METTL21C: variants seen among roughly 807,000 people sequenced by gnomAD.
The protein encoded by METTL21C is protein-lysine methyltransferase METTL21C.
In METTL21C, 21 loss-of-function variants were observed where a neutral mutation model predicts 25.9. The ratio of observed to expected loss-of-function variants is 0.81; its 90% CI spans 0.58 to 1.17. The LOEUF (loss-of-function observed/expected upper bound fraction) is 1.17, where lower values mean the gene tolerates loss of function less well. Among genes scored for constraint, METTL21C ranks in the 50% most tolerant of loss-of-function variants. METTL21C has a pLI of 0.00. For synonymous variants in METTL21C, 125 were observed against 124.7 expected, an observed-to-expected ratio of 1.00 and a Z score of -0.01; for missense variants, 312 against 315.1, an observed-to-expected ratio of 0.99 and a Z score of 0.07.
rs1262985773 is a variant in METTL21C, at chr13:102,694,900, T to TCTCTCTCACACACACACA, written c.-403_-402insTGTGTGTGTGTGAGAGAG. On this transcript the variant is annotated 5_prime_UTR_variant, in exon 1 of 4. It removes the in-frame stop codon of an upstream open reading frame in the 5' UTR. Transcript: ENST00000267273. ...CTCTCTCTCTCTCTCTCTCTCTCTC[T>TCTCTCTCACACACACACA]CACACACACACACACACACACACAC... Among the ~76,000 whole-genome samples, 1 of 135,484 alleles carries TCTCTCTCACACACACACA rather than the reference T, an allele frequency of 7.4e-6. No homozygotes were observed. The highest frequency in any genetic ancestry group is 2.9e-5 in the African/African-American group (1 of 34,070). 88.9% of individuals were successfully genotyped at this position (135,484 alleles called of 152,430 possible).
chr13:102,692,116 G>A (rs562770794), intron 1 of METTL21C, among the ~76,000 whole-genome samples: 6 of 152,278 alleles, frequency 3.9e-5, no homozygotes, highest in African/African-American at 1.4e-4. Flanking sequence ...ACTGTAAAAT[G>A]TTTAACCGGG....
chr13:102,699,296 T>C (rs1306491172), upstream of METTL21C, among the ~76,000 whole-genome samples: 1 of 152,206 alleles, frequency 6.6e-6, no homozygotes, highest in Non-Finnish European at 1.5e-5. Flanking sequence ...GCAATGGAGT[T>C]GCACTTCCCA....
At chr13:102,693,865 C>A (rs1885887249) in intron 1 of METTL21C, among the ~76,000 whole-genome samples, 1 of 152,164 alleles carries the variant, frequency 6.6e-6, no homozygotes, top group African/African-American at 2.4e-5. Context: ...TAATTATGAA[C>A]ACTGTAAATG....
chr13:102,685,803 T>C lies in METTL21C; in HGVS notation c.*228A>G. ...GTAACTTCGTTGGAACCAACAAAGC[T>C]ACTTTCATGTTTTTATGTTGTTCTT... On this transcript the variant is annotated 3_prime_UTR_variant, in exon 4 of 4. Coordinates refer to ENST00000267273, the MANE Select transcript of METTL21C (RefSeq NM_001010977.3). 1 of 449,214 alleles carries C rather than the reference T, an allele frequency of 2.2e-6. No homozygotes were observed. The highest frequency in any genetic ancestry group is 4.6e-5 in the South Asian group (1 of 21,842). 27.8% of individuals were successfully genotyped at this position (449,214 alleles called of 1,614,324 possible).
In METTL21C at chr13:102,690,864, C is replaced by G; in HGVS notation, c.231G>C (p.Glu77Asp). Residue 77 changes from glutamate (E) to aspartate (D), a missense_variant, in exon 2 of 4, where the codon GAG becomes GAC. By Grantham distance (45) the Glu-to-Asp change is conservative (BLOSUM62 2). Transcript: ENST00000267273. The stretch of plus-strand genomic sequence containing the variant: ...TCTCTATGGATTCCTGGATGACAAT[C>G]TCCTTTCCTGCAAACCGATAATGCT... ...TQEHYRFAGKEIVIQESIESY... is the reference protein window; with the variant it reads ...TQEHYRFAGKDIVIQESIESY... 1 of 1,614,190 alleles carries G rather than the reference C, an allele frequency of 6.2e-7. No individual in the cohort carries two copies. Among genetic ancestry groups the G allele is most frequent in the South Asian group, 1.1e-5 (1 of 91,082 alleles).
upstream of METTL21C, among the ~76,000 whole-genome samples, chr13:102,698,524 C>T (rs1297383542): frequency 6.6e-6 from 1 of 152,162 alleles, no homozygotes; most frequent in Non-Finnish European, 1.5e-5. Context: ...TCACGTCCTA[C>T]ATGCCACTAA....
intron 2 of METTL21C, among the ~76,000 whole-genome samples, chr13:102,688,023 A>G (rs1010275867): frequency 7.2e-5 from 11 of 152,222 alleles, no homozygotes; most frequent in Non-Finnish European, 1.2e-4. Flanking sequence ...AAGAAATGAC[A>G]AAAAGTTACT....
At chr13:102,689,316 T>G (rs558710393) in intron 2 of METTL21C, among the ~76,000 whole-genome samples, 1 of 152,344 alleles carries the variant, frequency 6.6e-6, no homozygotes, top group Admixed American at 6.5e-5. Flanking sequence ...GTGAGTAGTT[T>G]GGTGATTTTC....
At chr13:102,696,078 A>T (rs1275944095), upstream of METTL21C, among the ~76,000 whole-genome samples, 1 of 152,122 alleles carries the variant, frequency 6.6e-6, no homozygotes, top group East Asian at 1.9e-4. Context: ...TTTTGTATCA[A>T]CTTCTAGGCT....
At chr13:102,699,890 AT>A (rs1475994533), upstream of METTL21C, among the ~76,000 whole-genome samples, 2 of 152,136 alleles carry the variant, frequency 1.3e-5, no homozygotes, top group Non-Finnish European at 2.9e-5. Context: ...TCTATATGGG[AT>A]GCAAAGACTG....
At chr13:102,698,983 A>G (rs76435283), upstream of METTL21C, among the ~76,000 whole-genome samples, 2,559 of 152,192 alleles carry the variant, frequency 0.017, 60 homozygotes, top group African/African-American at 0.058. Context: ...CTGTGTATCT[A>G]TGGTCAAGAT....
chr13:102,700,582 G>A, the METTL21C span, among the ~76,000 whole-genome samples: 1 of 152,204 alleles, frequency 6.6e-6, no homozygotes, highest in East Asian at 1.9e-4. Context: ...TGGGAAACAA[G>A]TTTGGATGAG....
intron 2 of METTL21C, among the ~76,000 whole-genome samples, chr13:102,689,001 A>G (rs902883091): frequency 4.6e-5 from 7 of 152,212 alleles, no homozygotes; most frequent in Non-Finnish European, 8.8e-5. Flanking sequence ...AGCAGGTTTC[A>G]TGAGAGGCTA....
At chr13:102,692,286 C>G (rs1885851497) in intron 1 of METTL21C, among the ~76,000 whole-genome samples, 1 of 139,420 alleles carries the variant, frequency 7.2e-6, no homozygotes, top group Admixed American at 7.5e-5. Context: ...GGGCATCCCT[C>G]AGGTCGGGGG....
rs768214209 is a variant in METTL21C at position 102,687,075 on chromosome 13, C to G, written c.283-18G>C. The stretch of plus-strand genomic sequence containing the variant: ...GCCATAGCCTAAAAAATAATTATAA[C>G]TTTTCATGTGGGCATTGGAACATTG... On this transcript the variant is annotated intron_variant, in intron 2 of 3. Coordinates refer to ENST00000267273, the MANE Select transcript of METTL21C (RefSeq NM_001010977.3). 6.3e-7 allele frequency: 1 copy of G among 1,592,548 alleles called. No individual in the cohort carries two copies. Among genetic ancestry groups the G allele is most frequent in the South Asian group, 1.1e-5 (1 of 90,654 alleles).
the METTL21C span, among the ~76,000 whole-genome samples, chr13:102,703,816 CTG>C: frequency 6.6e-6 from 1 of 152,224 alleles, no homozygotes; most frequent in African/African-American, 2.4e-5. Context: ...CAACTGAAAC[CTG>C]TGTTTCTCTG....
At chr13:102,692,337 C>A (rs1481046753) in intron 1 of METTL21C, among the ~76,000 whole-genome samples, 1 of 152,146 alleles carries the variant, frequency 6.6e-6, no homozygotes, top group African/African-American at 2.4e-5. Context: ...ATTCCATACA[C>A]ACTGGAACAG....
chr13:102,696,915 CG>C (rs1165446395), upstream of METTL21C, among the ~76,000 whole-genome samples: 5 of 151,994 alleles, frequency 3.3e-5, no homozygotes, highest in Non-Finnish European at 5.9e-5. Flanking sequence ...AAGGGATTGA[CG>C]GGGGGCAGGG....
chr13:102,687,584 A>G (rs913394431), intron 2 of METTL21C, among the ~76,000 whole-genome samples: 1 of 152,172 alleles, frequency 6.6e-6, no homozygotes, highest in African/African-American at 2.4e-5. Flanking sequence ...CTTTTTTTAA[A>G]GTGGTTCTTC....
Sources: gnomAD v4.1 joint callset for allele counts (sites outside exome capture counted in the v4.1 genomes callset) on GRCh38, gnomAD v4.1.1 for gene constraint, MANE v1.5 for transcripts, NCBI Gene and HGNC (gene_info 2026-07-23, HGNC 2026-07-21) for gene names.